FCRLB: variants seen among roughly 807,000 people sequenced by gnomAD.
FCRLB encodes Fc receptor like B.
Under a neutral mutation model 33.6 loss-of-function variants are expected in FCRLB, and 34 were observed. The ratio of observed to expected loss-of-function variants is 1.01; its 90% CI spans 0.77 to 1.35. FCRLB has a LOEUF of 1.35. Ranked by LOEUF, FCRLB falls within the 40% of genes most tolerant of loss-of-function variation. FCRLB has a pLI of 0.00. For synonymous variants in FCRLB, 280 were observed against 255.9 expected (o/e 1.09, Z -0.90); for missense variants, 560 against 580.2 (o/e 0.97, Z 0.36).
In FCRLB at chr1:161,727,212, C is replaced by G. The variant is rs772643859; in HGVS notation, c.866-35C>G. ...CAGCCCAGCGCCGAGAAGAACCATG[C>G]AAGCCGCGCGTGACTGGGCGTAATG... is the stretch of plus-strand genomic sequence containing the variant. On this transcript the variant is annotated intron_variant, in intron 7 of 7. Coordinates refer to ENST00000367948, the Ensembl canonical transcript of FCRLB. 2.6e-6 allele frequency: 4 copies of G among 1,548,184 alleles called. No individual in the cohort carries two copies. The South Asian group carries it at 4.9e-5, about 19-fold the overall frequency.
rs1397824583 is a variant in FCRLB at position 161,726,148 on chromosome 1, G to C, written c.574+61G>C. The stretch of plus-strand genomic sequence containing the variant: ...TGAGCATTGAGAAATTCTGGGACAG[G>C]AGCTCGGCGAGAAAAGAAGGGGCGG... On this transcript the variant is annotated intron_variant, in intron 6 of 7. Coordinates refer to ENST00000367948, the Ensembl canonical transcript of FCRLB. This position sits in a 1 kb window ranked among gnomAD's most constrained non-coding sequence, Gnocchi z 5.2. 1 of 1,610,008 alleles carries C rather than the reference G, an allele frequency of 6.2e-7. No individual in the cohort carries two copies. Among genetic ancestry groups the C allele is most frequent in the East Asian group, 2.2e-5 (1 of 44,808 alleles).
chr1:161,725,738 G>C, intron 5 of FCRLB, 83 bp from the exon 6 acceptor site: 1 of 1,496,688 alleles, frequency 6.7e-7, no homozygotes, highest in Non-Finnish European at 9.0e-7. Flanking sequence ...GTTAAGAGGA[G>C]AAAGCTGGAA....
chr1:161,727,808 G>T (rs1378983109), exon 8 of FCRLB: 5 of 957,826 alleles, frequency 5.2e-6, no homozygotes, highest in Non-Finnish European at 7.6e-6. Context: ...AGTGGCTGAC[G>T]ATTTCAACCT....
At chr1:161,727,098 C>G in intron 7 of FCRLB, 105 bp downstream of exon 7, 1 of 1,340,744 alleles carries the variant, frequency 7.5e-7, no homozygotes, top group Non-Finnish European at 9.7e-7. Flanking sequence ...CGTCCCGCCC[C>G]CCGCCTTTCC....
chr1:161,724,107 G>A (rs747517559), intron 5 of FCRLB, among the ~76,000 whole-genome samples: 7 of 152,126 alleles, frequency 4.6e-5, no homozygotes, highest in East Asian at 1.9e-4. Context: ...GTATCTCTTC[G>A]GCTGCTCTGA....
At chr1:161,727,690 C>A in exon 8 of FCRLB, 2 of 1,550,784 alleles carry the variant, frequency 1.3e-6, no homozygotes, top group Non-Finnish European at 1.7e-6. Flanking sequence ...CCTCTGCAGG[C>A]TCATTCCTCC....
chr1:161,727,171 C>T (rs1683613898), intron 7 of FCRLB, 76 bp from the exon 8 acceptor site: 11 of 1,464,524 alleles, frequency 7.5e-6, no homozygotes, highest in South Asian at 1.3e-5. Flanking sequence ...CCGCCCACCG[C>T]CCTACGCCCC....
At chr1:161,727,663 G>A in exon 8 of FCRLB, 5 of 1,587,540 alleles carry the variant, frequency 3.1e-6, no homozygotes, top group African/African-American at 1.4e-5. Flanking sequence ...GGAGAGCTGA[G>A]GGGGCGGCTA....
At chr1:161,722,948 A>G (rs1557930764) in intron 3 of FCRLB, 41 bp from the exon 4 acceptor site, 1 of 1,592,774 alleles carries the variant, frequency 6.3e-7, no homozygotes, top group Middle Eastern at 1.7e-4. Flanking sequence ...CATCGCCAAT[A>G]TTCTCCTTCT....
chr1:161,727,942 C>T, exon 8 of FCRLB: 1 of 397,366 alleles, frequency 2.5e-6, no homozygotes, highest in South Asian at 4.2e-5. Flanking sequence ...ACCCTTAGCC[C>T]TTCAGATAAG....
At chr1:161,727,080 C>CCGGG in intron 7 of FCRLB, 87 bp downstream of exon 7, 5 of 1,315,148 alleles carry the variant, frequency 3.8e-6, no homozygotes, top group Non-Finnish European at 3.9e-6. Context: ...CCCCCGCCCC[C>CCGGG]TGGTTCCCGT....
intron 5 of FCRLB, among the ~76,000 whole-genome samples, chr1:161,724,857 G>A (rs1274091713): frequency 6.6e-6 from 1 of 152,160 alleles, no homozygotes; most frequent in African/African-American, 2.4e-5. Context: ...TGCTGTAGGA[G>A]ATACCTAAGG....
chr1:161,727,177 G>A, intron 7 of FCRLB, 70 bp from the exon 8 acceptor site: 1 of 855,056 alleles, frequency 1.2e-6, no homozygotes, highest in Non-Finnish European at 1.6e-6. Context: ...ACCGCCCTAC[G>A]CCCCTCCCCC....
chr1:161,724,439 A>AT, intron 5 of FCRLB, among the ~76,000 whole-genome samples: 1 of 151,766 alleles, frequency 6.6e-6, no homozygotes, highest in East Asian at 1.9e-4. Flanking sequence ...AAAAAAAAAA[A>AT]AAAAAAAAAT....
chr1:161,723,128 C>T (rs1683428161), intron 4 of FCRLB, 119 bp downstream of exon 4: 5 of 1,329,016 alleles, frequency 3.8e-6, no homozygotes, highest in Middle Eastern at 1.8e-4. Flanking sequence ...TCTTCCCACT[C>T]TCGTCAACCC....
chr1:161,727,724 C>G, exon 8 of FCRLB: 4 of 1,490,050 alleles, frequency 2.7e-6, no homozygotes, highest in Non-Finnish European at 3.6e-6. Context: ...TCCCCTCACG[C>G]GAATTTCTTT....
chr1:161,726,562 TC>T lies in FCRLB; in HGVS notation c.575-136del. ...GCCCCACATTTCAGAAGGCTCCCCT[TC>T]CCCCTCCACGTGGACACACGGCCTC... On this transcript the variant is annotated intron_variant, in intron 6 of 7. Transcript: ENST00000367948. This position sits in a 1 kb window ranked among gnomAD's most constrained non-coding sequence, Gnocchi z 5.2. 1 of 1,196,614 alleles carries T rather than the reference TC, an allele frequency of 8.4e-7. No individual in the cohort carries two copies. The highest frequency in any genetic ancestry group is 1.5e-5 in the African/African-American group (1 of 66,302). 74.1% of individuals were successfully genotyped at this position (1,196,614 alleles called of 1,614,324 possible).
chr1:161,726,830 C>T lies in FCRLB; in HGVS notation c.702C>T (p.Phe234=). 6.4e-7 allele frequency: 1 copy of T among 1,571,476 alleles called. No homozygotes were observed. Among genetic ancestry groups the T allele is most frequent in the South Asian group, 1.2e-5 (1 of 86,376 alleles). The stretch of plus-strand genomic sequence containing the variant: ...AGAAGCGCGACACGCCGCTGCAGTT[C>T]GCGTTTTACAAGTACAGCCGCGCGG... Residue 234 remains phenylalanine, a synonymous_variant, in exon 7 of 8, where the codon TTC becomes TTT. Coordinates refer to ENST00000367948, the Ensembl canonical transcript of FCRLB. The surrounding 1 kb of genome is among the most constrained non-coding windows in gnomAD (Gnocchi z 5.2).
rs533584562 is a variant in FCRLB at position 161,726,216 on chromosome 1, G to T, written c.574+129G>T. ...ACTTGGAGGGTTTCTCTTAGACTAT[G>T]GACGCTGTCTCCTCTCCTTTGCCGT... On this transcript the variant is annotated intron_variant, in intron 6 of 7. Coordinates refer to ENST00000367948, the Ensembl canonical transcript of FCRLB. The surrounding 1 kb of genome is among the most constrained non-coding windows in gnomAD (Gnocchi z 5.2). The T allele has an allele frequency of 8.8e-5, 126 of 1,430,898 alleles. 1 individual carries two copies. In the East Asian group the frequency reaches 2.5e-3, roughly 28 times the overall value. The allele number at this position is 1,430,898 out of a possible 1,614,324, so 88.6% of individuals were successfully genotyped here. A position where few individuals can be genotyped will look rare whatever the true frequency, so the allele number is the denominator to read the frequency against.
Sources: gnomAD v4.1 joint callset for allele counts (sites outside exome capture counted in the v4.1 genomes callset) on GRCh38, gnomAD v4.1.1 for gene constraint, Gnocchi (gnomAD v3.1) non-coding constraint, MANE v1.5 for transcripts, NCBI Gene and HGNC (gene_info 2026-07-23, HGNC 2026-07-21) for gene names.